The following CPA6 variants were observed in gnomAD, a reference collection of about 807,000 sequenced individuals.
The protein encoded by CPA6 is carboxypeptidase A6, also known as carboxypeptidase B.
In CPA6, 58 loss-of-function variants were observed where a neutral mutation model predicts 63.3. That is an observed-to-expected ratio of 0.92 (90% CI 0.74 to 1.14). The LOEUF (loss-of-function observed/expected upper bound fraction) is 1.14. Ranked by LOEUF, CPA6 falls within the 50% of genes most tolerant of loss-of-function variation. CPA6 has a pLI of 0.00. For synonymous variants in CPA6, 185 were observed against 179.0 expected, an observed-to-expected ratio of 1.03 and a Z score of -0.27; for missense variants, 565 against 526.6, an observed-to-expected ratio of 1.07 and a Z score of -0.71.
At chr8:67,511,773 T>C (rs1812048675) in intron 3 of CPA6, 118 bp from the exon 4 acceptor site, 5 of 654,252 alleles carry the variant, frequency 7.6e-6, no homozygotes, top group Non-Finnish European at 1.4e-5. Flanking sequence ...TCAATATTCC[T>C]AAAAATACCA....
intron 2 of CPA6, among the ~76,000 whole-genome samples, chr8:67,584,156 T>A (rs527616880): frequency 3.6e-4 from 55 of 152,202 alleles, no homozygotes; most frequent in African/African-American, 1.2e-3. Flanking sequence ...AGACTCCGTC[T>A]CAAAACAAAA....
At chr8:67,648,385 G>A (rs1000662878) in intron 1 of CPA6, among the ~76,000 whole-genome samples, 20 of 150,816 alleles carry the variant, frequency 1.3e-4, no homozygotes, top group Admixed American at 1.3e-3. Context: ...GGTAAAGAAC[G>A]GCATTGCTAA....
chr8:67,658,557 C>T (rs1277930499), intron 1 of CPA6, among the ~76,000 whole-genome samples: 1 of 152,136 alleles, frequency 6.6e-6, no homozygotes, highest in Non-Finnish European at 1.5e-5. Flanking sequence ...TACTTCAACA[C>T]TCTTTATGTT....
intron 1 of CPA6, among the ~76,000 whole-genome samples, chr8:67,641,397 T>C (rs1263578058): frequency 6.8e-6 from 1 of 146,846 alleles, no homozygotes; most frequent in African/African-American, 2.7e-5. Context: ...CAAGGAACTA[T>C]AAAATGACCA....
chr8:67,571,606 A>T (rs1475609204), intron 2 of CPA6, among the ~76,000 whole-genome samples: 1 of 152,218 alleles, frequency 6.6e-6, no homozygotes, highest in African/African-American at 2.4e-5. Flanking sequence ...ATGAAGGTCA[A>T]TATAGAAATT....
intron 2 of CPA6, among the ~76,000 whole-genome samples, chr8:67,604,529 A>G (rs1197681389): frequency 6.6e-6 from 1 of 151,956 alleles, no homozygotes; most frequent in Non-Finnish European, 1.5e-5. Flanking sequence ...CTGATATACC[A>G]TATTTTTTAC....
chr8:67,492,040 A>T (rs1231935938), intron 6 of CPA6, among the ~76,000 whole-genome samples: 1 of 152,204 alleles, frequency 6.6e-6, no homozygotes. Flanking sequence ...TGGTGGAAAG[A>T]GGAAATTGTC....
At chr8:67,669,451 C>T (rs1816298392) in intron 1 of CPA6, among the ~76,000 whole-genome samples, 2 of 152,182 alleles carry the variant, frequency 1.3e-5, no homozygotes, top group African/African-American at 4.8e-5. Flanking sequence ...GGGAGTCTTT[C>T]TATAACCCAT....
At chr8:67,592,104 T>G (rs1564014239) in intron 2 of CPA6, among the ~76,000 whole-genome samples, 2 of 152,234 alleles carry the variant, frequency 1.3e-5, no homozygotes, top group African/African-American at 4.8e-5. Context: ...GAAGGGTTGT[T>G]GAATTTTGTC....
chr8:67,589,408 A>T (rs917298325), intron 2 of CPA6, among the ~76,000 whole-genome samples: 1 of 152,332 alleles, frequency 6.6e-6, no homozygotes, highest in African/African-American at 2.4e-5. Context: ...AGAAGGAAAT[A>T]TAGACAGACA....
intron 2 of CPA6, among the ~76,000 whole-genome samples, chr8:67,566,744 C>G (rs1458941172): frequency 6.6e-6 from 1 of 152,190 alleles, no homozygotes; most frequent in Non-Finnish European, 1.5e-5. Flanking sequence ...CCCTCTCCAT[C>G]CCTATGCCCA....
chr8:67,632,006 G>A (rs1815345269), intron 1 of CPA6, among the ~76,000 whole-genome samples: 1 of 152,138 alleles, frequency 6.6e-6, no homozygotes, highest in Non-Finnish European at 1.5e-5. Flanking sequence ...TCACCGCGAG[G>A]GTCCGTGGCT....
At chr8:67,644,125 T>A (rs949493898) in intron 1 of CPA6, among the ~76,000 whole-genome samples, 3 of 151,338 alleles carry the variant, frequency 2.0e-5, no homozygotes, top group Admixed American at 2.0e-4. Flanking sequence ...CTGTCTTATT[T>A]TTTTTTTTTT....
chr8:67,487,316 C>A (rs924448608), intron 6 of CPA6, among the ~76,000 whole-genome samples: 5 of 152,116 alleles, frequency 3.3e-5, no homozygotes, highest in Non-Finnish European at 7.4e-5. Flanking sequence ...GGCTTTCTGT[C>A]CTTGTGATAG....
At chr8:67,729,780 T>A (rs1817671661) in intron 1 of CPA6, among the ~76,000 whole-genome samples, 2 of 152,066 alleles carry the variant, frequency 1.3e-5, no homozygotes, top group Admixed American at 1.3e-4. Context: ...AGTTTATAGG[T>A]ATATAAAATA....
At chr8:67,657,625 A>G (rs1174492431) in intron 1 of CPA6, among the ~76,000 whole-genome samples, 1 of 152,228 alleles carries the variant, frequency 6.6e-6, no homozygotes, top group Non-Finnish European at 1.5e-5. Flanking sequence ...ATAGGCCTTC[A>G]GCAAATGTCT....
At chr8:67,496,074 G>T (rs765049716) in intron 6 of CPA6, among the ~76,000 whole-genome samples, 2 of 152,058 alleles carry the variant, frequency 1.3e-5, no homozygotes, top group African/African-American at 4.8e-5. Flanking sequence ...CAACTTCTCA[G>T]TCAAGGCTGG....
chr8:67,743,930 A>G (rs1212816050), intron 1 of CPA6, among the ~76,000 whole-genome samples: 1 of 152,218 alleles, frequency 6.6e-6, no homozygotes, highest in African/African-American at 2.4e-5. Context: ...ATTATTAAGG[A>G]ATAAAAATGA....
At chr8:67,651,270 A>G (rs1259785237) in intron 1 of CPA6, among the ~76,000 whole-genome samples, 9 of 152,144 alleles carry the variant, frequency 5.9e-5, no homozygotes, top group Non-Finnish European at 1.2e-4. Context: ...TAAGTACCAA[A>G]TCCTGAAACA....
Sources: allele counts gnomAD v4.1 joint callset (sites outside exome capture counted in the v4.1 genomes callset), GRCh38; gene constraint gnomAD v4.1.1; transcripts MANE v1.5; gene names NCBI Gene and HGNC (gene_info 2026-07-23, HGNC 2026-07-21).